WDR25: variants seen among roughly 807,000 people sequenced by gnomAD.
WDR25 encodes WD repeat-containing protein 25.
WDR25 carries 35 observed loss-of-function variants against 47.7 expected under a neutral mutation model. That is an observed-to-expected ratio of 0.73 (90% confidence interval 0.56 to 0.97). The LOEUF (loss-of-function observed/expected upper bound fraction) is 0.97. Ranked by LOEUF, WDR25 falls within the 50% of genes least tolerant of loss-of-function variation. The pLI is 0.00. For synonymous variants in WDR25, 248 were observed against 278.9 expected (o/e 0.89, Z 1.10); for missense variants, 634 against 704.7 (o/e 0.90, Z 1.14).
chr14:100,464,734 CCATCTCATCT>C (rs11275025), intron 2 of WDR25, among the ~76,000 whole-genome samples: 5,321 of 57,358 alleles, frequency 0.093, 348 homozygotes, highest in Non-Finnish European at 0.1. Context: ...CTCCCCTACT[CCATCTCATCT>C]CATCTCATCT....
intron 2 of WDR25, among the ~76,000 whole-genome samples, chr14:100,386,522 G>A (rs549024458): frequency 4.5e-4 from 68 of 152,242 alleles, no homozygotes; most frequent in African/African-American, 1.6e-3. Flanking sequence ...TCCTGCTTTT[G>A]TTTAAAAAAT....
rs1294563059 is a variant in WDR25, at chr14:100,500,405, G to A, written c.1101+16281G>A. ...GGGTGAAGTGGCTCTGGCTGTGGAG[G>A]GTGGAGAAGGAGGGGTGGGGATGGT... On this transcript the variant is annotated intron_variant, in intron 4 of 6. Transcript: ENST00000402312. The surrounding 1 kb of genome is among the most constrained non-coding windows in gnomAD (Gnocchi z 4.7). Among the ~76,000 whole-genome samples, 2 of 152,186 alleles carry A rather than the reference G, an allele frequency of 1.3e-5. No homozygotes were observed. Among genetic ancestry groups the A allele is most frequent in the Non-Finnish European group, 2.9e-5 (2 of 68,024 alleles).
chr14:100,403,080 A>G (rs535446848), intron 2 of WDR25, among the ~76,000 whole-genome samples: 20 of 152,156 alleles, frequency 1.3e-4, no homozygotes, highest in Non-Finnish European at 2.8e-4. Flanking sequence ...ATTTTCTCTT[A>G]TGGATAGTGT....
At position 100,454,347 on chromosome 14, in the gene WDR25, G is replaced by A; in HGVS notation, c.823-13674G>A. On this transcript the variant is annotated intron_variant, in intron 2 of 6. Coordinates refer to ENST00000402312, the MANE Select transcript of WDR25 (RefSeq NM_001161476.3). ...ATTTTGACTGAGGTAATGGGGTAAT[G>A]GAGTATGTGTATGGCAGGTGTGAGG... The A allele has an allele frequency of 2.3e-6, 3 of 1,283,584 alleles. No individual in the cohort carries two copies. In the South Asian group the frequency reaches 3.7e-5, roughly 16 times the overall value. 79.5% of individuals were successfully genotyped at this position (1,283,584 alleles called of 1,614,324 possible). A position where few individuals can be genotyped will look rare whatever the true frequency, so the allele number is the denominator to read the frequency against.
Position 100,513,725 on chromosome 14 carries a change from ACTGG to A in WDR25, c.1102-12144_1102-12141del, listed in dbSNP as rs557295093. ...TTTCTTTTTTTTGAAACAGAGTCTC[ACTGG>A]GTTGCCCAGGCTGGTCTCAAATTCC... On this transcript the variant is annotated intron_variant, in intron 4 of 6. Coordinates refer to ENST00000402312, the MANE Select transcript of WDR25 (RefSeq NM_001161476.3). 6.7e-4 allele frequency among the ~76,000 whole-genome samples: 101 copies of A among 149,734 alleles called. 1 individual carries two copies. In the South Asian group the frequency reaches 0.02, roughly 30 times the overall value.
Position 100,381,644 on chromosome 14 carries a change from C to T in WDR25, c.720C>T (p.Phe240=). 1 of 1,614,118 alleles carries T rather than the reference C, an allele frequency of 6.2e-7. No homozygotes were observed. The highest frequency in any genetic ancestry group is 1.3e-5 in the African/African-American group (1 of 75,014). ...CCACAGTTCCCCGGAAAGTGCTTTT[C>T]CACCTGAGAGGCCACAGGGGCCCTG... ...KETTVPRKVL[F]HLRGHRGPVN... Residue 240 remains phenylalanine (F), a synonymous_variant, in exon 2 of 7, where the codon TTC becomes TTT. Transcript: ENST00000402312.
chr14:100,390,713 G>A (rs965060405), intron 2 of WDR25, among the ~76,000 whole-genome samples: 1 of 152,050 alleles, frequency 6.6e-6, no homozygotes, highest in African/African-American at 2.4e-5. Context: ...CTCACTGTCC[G>A]GCACATCTTT....
At position 100,392,022 on chromosome 14, in the gene WDR25, A is replaced by G. The variant is rs933874549; in HGVS notation, c.822+10276A>G. ...GCAAAAATGTAAACAATGCCTTCTT[A>G]CTAATTTTTCTTGGTCTTGGAAAAT... On this transcript the variant is annotated intron_variant, in intron 2 of 6. Transcript: ENST00000402312. This position sits in a 1 kb window ranked among gnomAD's most constrained non-coding sequence, Gnocchi z 4.2. 6.6e-6 allele frequency among the ~76,000 whole-genome samples: 1 copy of G among 152,240 alleles called. No individual in the cohort carries two copies. The highest frequency in any genetic ancestry group is 6.5e-5 in the Admixed American group (1 of 15,284).
At position 100,503,277 on chromosome 14, in the gene WDR25, C is replaced by T. The variant is rs553316233; in HGVS notation, c.1101+19153C>T. On this transcript the variant is annotated intron_variant, in intron 4 of 6. Transcript: ENST00000402312. ...CCTTTAAAGCGTGTCCCCTGGGAGC[C>T]TGAGCCAGCTCATCAGTTACACCTG... Among the ~76,000 whole-genome samples the T allele has an allele frequency of 9.9e-5, 15 of 152,244 alleles. No homozygotes were observed. The East Asian group carries it at 2.3e-3, about 24-fold the overall frequency.
chr14:100,399,417 ATCCT>A (rs1333972580), intron 2 of WDR25, among the ~76,000 whole-genome samples: 1 of 144,254 alleles, frequency 6.9e-6, no homozygotes, highest in Non-Finnish European at 1.5e-5. Flanking sequence ...TTTCTCTCTC[ATCCT>A]TTCTCTCATG....
At chr14:100,400,412 C>T (rs1401337927) in intron 2 of WDR25, among the ~76,000 whole-genome samples, 2 of 152,204 alleles carry the variant, frequency 1.3e-5, no homozygotes, top group African/African-American at 4.8e-5. Context: ...TCAGGCCCAG[C>T]TTGTTGGCAT....
intron 2 of WDR25, among the ~76,000 whole-genome samples, chr14:100,461,843 C>T (rs1487001743): frequency 1.3e-5 from 2 of 151,918 alleles, no homozygotes; most frequent in African/African-American, 4.8e-5. Flanking sequence ...AAGGCTTACC[C>T]AGAAGTTTGA....
chr14:100,430,756 G>C lies in WDR25; in HGVS notation c.823-37265G>C, dbSNP rs1006734856. Among the ~76,000 whole-genome samples the C allele has an allele frequency of 6.6e-6, 1 of 152,268 alleles. No homozygotes were observed. ...ATGCAGGAAGCCCATGCTGACGTGC[G>C]GAGTGGGCCTGCACAGATGAGGCTT... On this transcript the variant is annotated intron_variant, in intron 2 of 6. Coordinates refer to ENST00000402312, the MANE Select transcript of WDR25 (RefSeq NM_001161476.3). The surrounding 1 kb of genome is among the most constrained non-coding windows in gnomAD (Gnocchi z 4.7).
At chr14:100,515,784 C>A (rs1901470538) in intron 4 of WDR25, among the ~76,000 whole-genome samples, 2 of 137,198 alleles carry the variant, frequency 1.5e-5, no homozygotes, top group Non-Finnish European at 1.5e-5. Flanking sequence ...TGCCACCACA[C>A]CTTGCTTTTT....
chr14:100,462,535 A>G (rs552484471), intron 2 of WDR25, among the ~76,000 whole-genome samples: 12 of 152,324 alleles, frequency 7.9e-5, no homozygotes, highest in African/African-American at 2.6e-4. Flanking sequence ...GCATTGATTC[A>G]GATGCTGTCG....
At chr14:100,483,855 A>G in intron 3 of WDR25, 139 bp from the exon 4 acceptor site, 2 of 1,052,472 alleles carry the variant, frequency 1.9e-6, no homozygotes, top group Non-Finnish European at 2.6e-6. Context: ...CATATTTCCA[A>G]AAAGTGTCCA....
chr14:100,406,180 G>T (rs150593461), intron 2 of WDR25, among the ~76,000 whole-genome samples: 22 of 152,304 alleles, frequency 1.4e-4, no homozygotes, highest in South Asian at 1.0e-3. Context: ...TCCTTCTGAC[G>T]TTGATATGTG....
At chr14:100,483,948 G>A (rs1404351823) in intron 3 of WDR25, 46 bp from the exon 4 acceptor site, 2 of 1,565,114 alleles carry the variant, frequency 1.3e-6, no homozygotes, top group Admixed American at 3.9e-5. Flanking sequence ...TATTTGTTTT[G>A]TGACCTAAGT....
chr14:100,451,669 G>A (rs1327263456), intron 2 of WDR25, among the ~76,000 whole-genome samples: 2 of 152,176 alleles, frequency 1.3e-5, no homozygotes, highest in East Asian at 3.8e-4. Flanking sequence ...TTTTACAGAA[G>A]AGCAGGAACC....
Sources: allele counts gnomAD v4.1 joint callset (sites outside exome capture counted in the v4.1 genomes callset), GRCh38; gene constraint gnomAD v4.1.1; non-coding constraint Gnocchi (gnomAD v3.1); transcripts MANE v1.5; gene names NCBI Gene and HGNC (gene_info 2026-07-23, HGNC 2026-07-21).